Variants in STK3 observed in about 807,000 individuals in gnomAD.
The protein encoded by STK3 is serine/threonine kinase 3, also known as serine/threonine-protein kinase 3.
STK3 carries 41 observed loss-of-function variants against 58.0 expected under a neutral mutation model. The observed-to-expected ratio is 0.71, with a 90% CI of 0.55 to 0.92. STK3 has a LOEUF of 0.92. Ranked by LOEUF, STK3 falls within the 40% of genes least tolerant of loss-of-function variation. The probability of loss-of-function intolerance (pLI) is 0.00; values close to 1 mark genes in which losing one functional copy is unlikely to be tolerated. For synonymous variants in STK3, 170 were observed against 191.0 expected (o/e 0.89, Z 0.91); for missense variants, 479 against 602.7 (o/e 0.79, Z 2.15).
chr8:98,615,254 T>C (rs1192579598), intron 6 of STK3, among the ~76,000 whole-genome samples: 28 of 146,386 alleles, frequency 1.9e-4, no homozygotes, highest in South Asian at 4.5e-4. Context: ...GAGGGTCCTG[T>C]CTGTTAGAAG....
At chr8:98,458,190 A>G (rs947693904) in intron 10 of STK3, among the ~76,000 whole-genome samples, 3 of 152,010 alleles carry the variant, frequency 2.0e-5, no homozygotes, top group African/African-American at 4.8e-5. Context: ...TGTGACTTTT[A>G]GGATTTTTTT....
At chr8:98,720,526 G>A (rs542410950) in intron 4 of STK3, among the ~76,000 whole-genome samples, 29 of 152,132 alleles carry the variant, frequency 1.9e-4, no homozygotes, top group African/African-American at 5.8e-4. Flanking sequence ...CGAGGCAGGT[G>A]GATCACAAGG....
chr8:98,834,872 C>T (rs754838785), intron 3 of STK3, among the ~76,000 whole-genome samples: 5 of 152,150 alleles, frequency 3.3e-5, no homozygotes, highest in Non-Finnish European at 5.9e-5. Flanking sequence ...TTACTCCAGC[C>T]CAAAGCTTGA....
At chr8:98,476,452 A>G (rs6993480) in intron 10 of STK3, among the ~76,000 whole-genome samples, 70,885 of 152,018 alleles carry the variant, frequency 0.47, 16,765 homozygotes, top group South Asian at 0.51. Context: ...GCAGTCTTAG[A>G]CGGCTATGGG....
chr8:98,850,045 T>C (rs949226895), intron 3 of STK3, among the ~76,000 whole-genome samples: 12 of 152,208 alleles, frequency 7.9e-5, no homozygotes, highest in African/African-American at 2.9e-4. Flanking sequence ...TCCTATGAAA[T>C]GTTTCTCAAA....
At chr8:98,636,779 ATTATT>A in intron 6 of STK3, among the ~76,000 whole-genome samples, 1 of 152,288 alleles carries the variant, frequency 6.6e-6, no homozygotes, top group Non-Finnish European at 1.5e-5. Flanking sequence ...TTTAAAACAT[ATTATT>A]TAAAATGAAA....
the STK3 span, among the ~76,000 whole-genome samples, chr8:98,364,597 G>A: frequency 6.6e-6 from 1 of 152,210 alleles, no homozygotes; most frequent in Non-Finnish European, 1.5e-5. Flanking sequence ...CAATTATGTG[G>A]CTATCACTAG....
chr8:98,570,759 T>G (rs1812897212), intron 8 of STK3, among the ~76,000 whole-genome samples: 1 of 152,232 alleles, frequency 6.6e-6, no homozygotes, highest in Non-Finnish European at 1.5e-5. Flanking sequence ...TTGAGCATAC[T>G]ATGTGCAAAA....
intron 6 of STK3, among the ~76,000 whole-genome samples, chr8:98,605,902 CCT>C (rs1194102867): frequency 1.3e-5 from 2 of 152,102 alleles, no homozygotes; most frequent in Non-Finnish European, 2.9e-5. Flanking sequence ...GCACCTTCCC[CCT>C]TTCTCTCTTC....
chr8:98,901,978 A>G (rs1434442507), intron 1 of STK3, among the ~76,000 whole-genome samples: 1 of 152,166 alleles, frequency 6.6e-6, no homozygotes, highest in Non-Finnish European at 1.5e-5. Flanking sequence ...GCAACACACA[A>G]GATGCTTTTT....
intron 1 of STK3, among the ~76,000 whole-genome samples, chr8:98,939,839 C>A (rs1375212620): frequency 6.6e-6 from 1 of 152,238 alleles, no homozygotes; most frequent in Non-Finnish European, 1.5e-5. Context: ...CCGCCCTGGG[C>A]GGTTGGGGCC....
chr8:98,798,326 C>T (rs1833310262), intron 1 of STK3, among the ~76,000 whole-genome samples: 1 of 152,148 alleles, frequency 6.6e-6, no homozygotes, highest in Admixed American at 6.5e-5. Context: ...ACATACAACA[C>T]AATTTTCTAT....
At chr8:98,523,437 C>T (rs1356275471) in intron 10 of STK3, among the ~76,000 whole-genome samples, 2 of 150,074 alleles carry the variant, frequency 1.3e-5, no homozygotes, top group African/African-American at 2.5e-5. Flanking sequence ...TGCAATGGCA[C>T]GATCTCGGCT....
chr8:98,483,699 C>T (rs776865919), intron 10 of STK3, among the ~76,000 whole-genome samples: 1 of 152,104 alleles, frequency 6.6e-6, no homozygotes, highest in African/African-American at 2.4e-5. Context: ...GCTCAACAAA[C>T]TTTGTTTTAG....
rs1833484248 is a variant in STK3 at position 98,800,686 on chromosome 8, C to A, written c.26+24829G>T. Among the ~76,000 whole-genome samples the A allele has an allele frequency of 1.3e-5, 2 of 152,306 alleles. No individual in the cohort carries two copies. The highest frequency in any genetic ancestry group is 4.1e-4 in the South Asian group (2 of 4,832). On this transcript the variant is annotated intron_variant, in intron 1 of 10. Coordinates refer to ENST00000419617, the MANE Select transcript of STK3 (RefSeq NM_006281.4). This position sits in a 1 kb window ranked among gnomAD's most constrained non-coding sequence, Gnocchi z 4.8. ...TTGATGGGCCCCGCACTCAGAGTGG[C>A]CAGCTGATGCCGCCAGCCCTGGGCA...
At chr8:98,710,734 G>T (rs1826346418) in intron 4 of STK3, among the ~76,000 whole-genome samples, 1 of 152,084 alleles carries the variant, frequency 6.6e-6, no homozygotes, top group South Asian at 2.1e-4. Flanking sequence ...AGCCAAACAA[G>T]GCAGCAGAAA....
At chr8:98,546,841 C>T (rs1411652813) in intron 9 of STK3, among the ~76,000 whole-genome samples, 1 of 152,114 alleles carries the variant, frequency 6.6e-6, no homozygotes, top group Non-Finnish European at 1.5e-5. Context: ...ATATAGCAAT[C>T]TATTACATTT....
chr8:98,863,306 C>T (rs1837002068), intron 3 of STK3, among the ~76,000 whole-genome samples: 1 of 152,100 alleles, frequency 6.6e-6, no homozygotes, highest in African/African-American at 2.4e-5. Context: ...TTAGGAAGGG[C>T]AGTACAACAT....
At chr8:98,613,228 T>A (rs1587010980) in intron 6 of STK3, among the ~76,000 whole-genome samples, 1 of 152,108 alleles carries the variant, frequency 6.6e-6, no homozygotes, top group Non-Finnish European at 1.5e-5. Context: ...CTTAAAGTAA[T>A]GTCATAAACA....
Sources: gnomAD v4.1 joint callset for allele counts (sites outside exome capture counted in the v4.1 genomes callset) on GRCh38, gnomAD v4.1.1 for gene constraint, Gnocchi (gnomAD v3.1) non-coding constraint, MANE v1.5 for transcripts, NCBI Gene and HGNC (gene_info 2026-07-23, HGNC 2026-07-21) for gene names.